NAALADL2: variants seen among roughly 807,000 people sequenced by gnomAD.
NAALADL2 encodes N-acetylated alpha-linked acidic dipeptidase like 2.
NAALADL2 carries 76 observed loss-of-function variants against 87.2 expected under a neutral mutation model. The ratio of observed to expected loss-of-function variants is 0.87; its 90% confidence interval spans 0.72 to 1.05. The LOEUF (loss-of-function observed/expected upper bound fraction) is 1.05, where lower values mean the gene tolerates loss of function less well. NAALADL2 is among the 50% of genes least tolerant of loss of function. NAALADL2 has a pLI of 0.00. For missense variants in NAALADL2, 1,089 were observed against 945.8 expected, an observed-to-expected ratio of 1.15 and a Z score of -1.99; for synonymous variants, 354 against 331.0, an observed-to-expected ratio of 1.07 and a Z score of -0.75.
intron 1 of NAALADL2, among the ~76,000 whole-genome samples, chr3:174,921,666 G>C (rs569017990): frequency 2.0e-5 from 3 of 151,776 alleles, no homozygotes; most frequent in Non-Finnish European, 2.9e-5. Context: ...TTAGCTGGGC[G>C]TGGTGGCGGG....
Position 175,259,718 on chromosome 3 carries a change from G to A in NAALADL2, c.939+3188G>A, listed in dbSNP as rs190088891. 4.9e-3 allele frequency among the ~76,000 whole-genome samples: 747 copies of A among 152,240 alleles called. 10 individuals carry two copies. Among genetic ancestry groups the A allele is most frequent in the African/African-American group, 0.017 (719 of 41,544 alleles). On this transcript the variant is annotated intron_variant, in intron 4 of 13. Coordinates refer to ENST00000454872, the MANE Select transcript of NAALADL2 (RefSeq NM_207015.3). Reference sequence around the variant, plus strand: ...ATTTTGTATACAGAAACAAGCTTTTGAAAATTCAGGTTAAAATACAGCAAT... The same window carrying A: ...ATTTTGTATACAGAAACAAGCTTTTAAAAATTCAGGTTAAAATACAGCAAT...
At chr3:174,481,228 A>G (rs1460226247) in intron 1 of NAALADL2, among the ~76,000 whole-genome samples, 2 of 152,110 alleles carry the variant, frequency 1.3e-5, no homozygotes, top group Non-Finnish European at 2.9e-5. Flanking sequence ...CATTAGCACT[A>G]TAATTCTAAC....
At chr3:174,611,200 G>C (rs916548828) in intron 2 of NAALADL2, among the ~76,000 whole-genome samples, 1 of 151,368 alleles carries the variant, frequency 6.6e-6, no homozygotes, top group Non-Finnish European at 1.5e-5. Context: ...AGCATTAGGA[G>C]ATACACCTAA....
At chr3:175,539,554 T>C (rs1194786587) in intron 9 of NAALADL2, among the ~76,000 whole-genome samples, 1 of 152,134 alleles carries the variant, frequency 6.6e-6, no homozygotes, top group Non-Finnish European at 1.5e-5. Flanking sequence ...TTAGGTAAGC[T>C]CATGACTTGG....
chr3:174,989,896 TG>T (rs1238440386), intron 1 of NAALADL2, among the ~76,000 whole-genome samples: 3 of 152,220 alleles, frequency 2.0e-5, no homozygotes. Flanking sequence ...TAGTACTTTT[TG>T]TTTTAATTTT....
At chr3:174,720,433 T>C (rs1731600960) in intron 2 of NAALADL2, among the ~76,000 whole-genome samples, 1 of 152,170 alleles carries the variant, frequency 6.6e-6, no homozygotes, top group Admixed American at 6.5e-5. Context: ...CATTATATGA[T>C]AGCTATATAG....
chr3:175,445,952 G>A (rs552091052), intron 5 of NAALADL2, among the ~76,000 whole-genome samples: 4 of 152,208 alleles, frequency 2.6e-5, no homozygotes, highest in South Asian at 4.1e-4. Context: ...CTGCCGAGGG[G>A]CCGGCCTAGG....
intron 1 of NAALADL2, among the ~76,000 whole-genome samples, chr3:174,964,491 AAAG>A (rs1228319307): frequency 1.3e-5 from 2 of 152,132 alleles, no homozygotes; most frequent in Admixed American, 1.3e-4. Context: ...TATAAATAAA[AAAG>A]AGAGGAGAAC....
intron 2 of NAALADL2, among the ~76,000 whole-genome samples, chr3:175,160,413 C>T (rs1733012249): frequency 1.2e-5 from 1 of 80,752 alleles, no homozygotes; most frequent in Non-Finnish European, 2.2e-5. Flanking sequence ...CTCTTGTTGC[C>T]CAGGCTGGAG....
intron 1 of NAALADL2, among the ~76,000 whole-genome samples, chr3:174,992,125 A>T (rs1408941717): frequency 1.3e-5 from 2 of 152,050 alleles, no homozygotes; most frequent in South Asian, 2.1e-4. Flanking sequence ...TACACAGGTG[A>T]CTCTGAGATA....
intron 6 of NAALADL2, among the ~76,000 whole-genome samples, chr3:175,460,428 C>T (rs1722940633): frequency 1.3e-5 from 2 of 152,150 alleles, no homozygotes; most frequent in Non-Finnish European, 2.9e-5. Flanking sequence ...CCTAGTGATA[C>T]ATAAGGAAGT....
Position 175,667,732 on chromosome 3 carries a change from TG to T in NAALADL2, c.1896+40347del, listed in dbSNP as rs533396965. Among the ~76,000 whole-genome samples, 243 of 147,924 alleles carry T rather than the reference TG, an allele frequency of 1.6e-3. 1 individual carries two copies. The highest frequency in any genetic ancestry group is 5.9e-3 in the African/African-American group (226 of 38,608). On this transcript the variant is annotated intron_variant, in intron 11 of 13. Coordinates refer to ENST00000454872, the MANE Select transcript of NAALADL2 (RefSeq NM_207015.3). ...ATGCTCATAACCTCAGATATCTGTG[TG>T]TTTTTTGCTGTTTTTTTTTTTTTTT...
intron 1 of NAALADL2, among the ~76,000 whole-genome samples, chr3:174,478,459 TTAAAC>T (rs1717348115): frequency 1.3e-5 from 2 of 152,108 alleles, no homozygotes; most frequent in Non-Finnish European, 2.9e-5. Flanking sequence ...TATAACTTGT[TTAAAC>T]TATGGAAAAT....
rs577162189 is a variant in NAALADL2, at chr3:175,683,925, G to A, written c.1897-53381G>A. On this transcript the variant is annotated intron_variant, in intron 11 of 13. Coordinates refer to ENST00000454872, the MANE Select transcript of NAALADL2 (RefSeq NM_207015.3). Reference sequence around the variant, plus strand: ...TGAAAAATAAGGAAGAAAAAAGAGTGTAAGATAAGAAAGTAGTATGCAGTC... The same window carrying A: ...TGAAAAATAAGGAAGAAAAAAGAGTATAAGATAAGAAAGTAGTATGCAGTC... Among the ~76,000 whole-genome samples the A allele has an allele frequency of 1.5e-3, 221 of 152,108 alleles. 1 individual carries two copies. Among genetic ancestry groups the A allele is most frequent in the African/African-American group, 4.9e-3 (205 of 41,530 alleles).
intron 13 of NAALADL2, among the ~76,000 whole-genome samples, chr3:175,787,736 C>T (rs1269904785): frequency 6.6e-6 from 1 of 152,160 alleles, no homozygotes; most frequent in Non-Finnish European, 1.5e-5. Context: ...TGGCTCCTCC[C>T]CACAACATAA....
chr3:175,094,262 T>C (rs1392044657), intron 1 of NAALADL2, among the ~76,000 whole-genome samples: 2 of 151,944 alleles, frequency 1.3e-5, no homozygotes, highest in Admixed American at 1.3e-4. Flanking sequence ...AAATATAATA[T>C]CATTTCAAGG....
chr3:175,487,430 G>T, intron 9 of NAALADL2: 1 of 439,428 alleles, frequency 2.3e-6, no homozygotes, highest in Non-Finnish European at 4.6e-6. Context: ...GTACTTAGTG[G>T]GTTCTAAAGT....
chr3:175,600,832 C>G (rs919643582), intron 10 of NAALADL2, among the ~76,000 whole-genome samples: 4 of 152,048 alleles, frequency 2.6e-5, no homozygotes, highest in African/African-American at 9.7e-5. Context: ...CCACCGCGCC[C>G]GGCCGTGTCT....
chr3:175,173,732 A>G (rs941004441), intron 2 of NAALADL2, among the ~76,000 whole-genome samples: 1 of 152,182 alleles, frequency 6.6e-6, no homozygotes, highest in Non-Finnish European at 1.5e-5. Flanking sequence ...ATTGCATTCA[A>G]ACTTCACAGT....
Sources: allele counts gnomAD v4.1 joint callset (sites outside exome capture counted in the v4.1 genomes callset), GRCh38; gene constraint gnomAD v4.1.1; transcripts MANE v1.5; gene names NCBI Gene and HGNC (gene_info 2026-07-23, HGNC 2026-07-21).